Variants in PCED1B observed in about 807,000 individuals in gnomAD.
PCED1B encodes PC-esterase domain-containing protein 1B.
For synonymous variants in PCED1B, 251 were observed against 246.1 expected, an observed-to-expected ratio of 1.02 and a Z score of -0.19; for missense variants, 573 against 573.9, an observed-to-expected ratio of 1.00 and a Z score of 0.02.
At chr12:47,165,856 C>T in intron 2 of PCED1B, among the ~76,000 whole-genome samples, 1 of 152,090 alleles carries the variant, frequency 6.6e-6, no homozygotes, top group East Asian at 1.9e-4. Context: ...ATTAATTTGA[C>T]TTTATATTAG....
At chr12:47,188,329 C>T (rs1028805095) in intron 2 of PCED1B, among the ~76,000 whole-genome samples, 5 of 152,116 alleles carry the variant, frequency 3.3e-5, no homozygotes, top group Non-Finnish European at 7.3e-5. Flanking sequence ...TCAATGATGT[C>T]CCACACAAAA....
intron 2 of PCED1B, among the ~76,000 whole-genome samples, chr12:47,161,652 TA>T (rs1941382284): frequency 6.6e-6 from 1 of 152,238 alleles, no homozygotes; most frequent in African/African-American, 2.4e-5. Context: ...GGAACACTTT[TA>T]CACCATTGGT....
intron 2 of PCED1B, among the ~76,000 whole-genome samples, chr12:47,135,299 T>C (rs959080028): frequency 6.6e-6 from 1 of 152,116 alleles, no homozygotes; most frequent in Non-Finnish European, 1.5e-5. Context: ...TTTTTTTATT[T>C]TTATTTTTAT....
In PCED1B at chr12:47,236,351, A is replaced by T. The variant is rs1858842382; in HGVS notation, c.1288A>T (p.Arg430Trp). 1.9e-6 allele frequency: 3 copies of T among 1,595,518 alleles called. No individual in the cohort carries two copies. The highest frequency in any genetic ancestry group is 2.6e-6 in the Non-Finnish European group (3 of 1,172,386). The change falls in exon 4 of 4, where the codon AGG (arginine) becomes TGG (tryptophan). Residue 430 changes from arginine (R) to tryptophan (W), a missense_variant. Arg to Trp is a moderately radical substitution (Grantham distance 101). Coordinates refer to ENST00000546455, the MANE Select transcript of PCED1B (RefSeq NM_138371.3). ...KRRAPANPEP[R>W]PQ is the part of the protein sequence containing the mutation. ...AAGGGCCCCAGCCAATCCTGAGCCA[A>T]GGCCTCAATAGACGGACCTAGGCCT... is the stretch of plus-strand genomic sequence containing the variant.
intron 2 of PCED1B, among the ~76,000 whole-genome samples, chr12:47,151,866 TCCCACC>T (rs1342704963): frequency 3.3e-5 from 5 of 152,124 alleles, no homozygotes; most frequent in Admixed American, 1.3e-4. Flanking sequence ...CAAATGTTAA[TCCCACC>T]CAGAAACAGT....
At chr12:47,214,601 A>G (rs1943192431) in intron 2 of PCED1B, among the ~76,000 whole-genome samples, 1 of 152,136 alleles carries the variant, frequency 6.6e-6, no homozygotes, top group Non-Finnish European at 1.5e-5. Flanking sequence ...TGAGCCCACG[A>G]GTTCAAGACC....
chr12:47,082,994 G>T (rs1937814968), intron 1 of PCED1B, among the ~76,000 whole-genome samples: 1 of 149,358 alleles, frequency 6.7e-6, no homozygotes, highest in Non-Finnish European at 1.5e-5. Flanking sequence ...ACATAATTCT[G>T]AATCTAGTAT....
chr12:47,160,293 C>CTTTTTT (rs59856338), intron 2 of PCED1B, among the ~76,000 whole-genome samples: 1,932 of 69,284 alleles, frequency 0.028, 10 homozygotes, highest in African/African-American at 0.035. Context: ...TTTTCTTTTT[C>CTTTTTT]TTTTTTTTTT....
intron 2 of PCED1B, among the ~76,000 whole-genome samples, chr12:47,121,874 A>C (rs78653903): frequency 0.078 from 11,813 of 152,072 alleles, 720 homozygotes; most frequent in African/African-American, 0.17. Context: ...TCTACTAAAA[A>C]TACAAAAATT....
intron 1 of PCED1B, among the ~76,000 whole-genome samples, chr12:47,080,221 G>A (rs978745726): frequency 6.6e-6 from 1 of 152,072 alleles, no homozygotes; most frequent in Non-Finnish European, 1.5e-5. Flanking sequence ...ACGTCCCTTC[G>A]TCCAGCTCCA....
At chr12:47,213,232 T>A (rs752867052) in intron 2 of PCED1B, among the ~76,000 whole-genome samples, 3 of 152,202 alleles carry the variant, frequency 2.0e-5, no homozygotes, top group Admixed American at 1.3e-4. Context: ...GTTCCTAATA[T>A]GTTATCAGAG....
chr12:47,131,844 T>C (rs1940143822), intron 2 of PCED1B, among the ~76,000 whole-genome samples: 1 of 152,014 alleles, frequency 6.6e-6, no homozygotes, highest in African/African-American at 2.4e-5. Context: ...AATTTTTGTA[T>C]TTTTAGTAGA....
Position 47,095,342 on chromosome 12 carries a change from C to CT in PCED1B, c.-608-8763dup, listed in dbSNP as rs544102289. ...ATTGTTGCTTCTTTGAAGCTAATTT[C>CT]TTTTTTTTCTTCTGGCTGCTTTTAT... On this transcript the variant is annotated intron_variant, in intron 1 of 3. Coordinates refer to ENST00000546455, the MANE Select transcript of PCED1B (RefSeq NM_138371.3). Among the ~76,000 whole-genome samples, 297 of 151,904 alleles carry CT rather than the reference C, an allele frequency of 2.0e-3. 3 individuals are homozygous for CT. The highest frequency in any genetic ancestry group is 3.3e-3 in the Non-Finnish European group (223 of 67,912).
intron 2 of PCED1B, among the ~76,000 whole-genome samples, chr12:47,116,560 G>A (rs1302687880): frequency 6.6e-6 from 1 of 152,050 alleles, no homozygotes; most frequent in Non-Finnish European, 1.5e-5. Context: ...TATACATTTT[G>A]TCCCAACTTT....
intron 2 of PCED1B, among the ~76,000 whole-genome samples, chr12:47,173,548 G>A (rs888610248): frequency 7.2e-5 from 11 of 151,898 alleles, no homozygotes; most frequent in Non-Finnish European, 7.4e-5. Flanking sequence ...CACCATGCCC[G>A]GCCTGTTAGC....
intron 2 of PCED1B, among the ~76,000 whole-genome samples, chr12:47,180,215 A>G (rs1942051928): frequency 1.3e-5 from 2 of 152,144 alleles, no homozygotes. Flanking sequence ...TTCCCGTGTT[A>G]GTTTGCTGAG....
At chr12:47,186,807 G>A (rs938805209) in intron 2 of PCED1B, among the ~76,000 whole-genome samples, 1 of 152,172 alleles carries the variant, frequency 6.6e-6, no homozygotes, top group Non-Finnish European at 1.5e-5. Context: ...ACTTCGTGAT[G>A]GCAGCCCAAG....
intron 2 of PCED1B, among the ~76,000 whole-genome samples, chr12:47,140,227 T>C (rs1274100179): frequency 5.3e-5 from 8 of 152,236 alleles, no homozygotes; most frequent in South Asian, 2.1e-4. Flanking sequence ...GTTTTGCTTT[T>C]GCTACATCAT....
At chr12:47,113,052 TA>T (rs1199790303) in intron 2 of PCED1B, among the ~76,000 whole-genome samples, 3 of 152,206 alleles carry the variant, frequency 2.0e-5, no homozygotes, top group African/African-American at 7.2e-5. Context: ...TAGCATTATT[TA>T]AAAACATACA....
Sources: allele counts gnomAD v4.1 joint callset (sites outside exome capture counted in the v4.1 genomes callset), GRCh38; gene constraint gnomAD v4.1.1; transcripts MANE v1.5; gene names NCBI Gene and HGNC (gene_info 2026-07-23, HGNC 2026-07-21).